Variants in UST observed in about 807,000 individuals in gnomAD.
UST encodes the protein chondroitin sulfate 2-O-sulfotransferase.
Under a neutral mutation model 45.6 loss-of-function variants are expected in UST, and 21 were observed. The observed-to-expected ratio is 0.46, with a 90% CI of 0.33 to 0.66. UST has a LOEUF of 0.66. UST is among the 30% of genes least tolerant of loss of function. UST has a pLI of 0.02. For missense variants in UST, 463 were observed against 512.4 expected (o/e 0.90, Z 0.93); for synonymous variants, 215 against 200.6 (o/e 1.07, Z -0.61).
chr6:149,049,929 TCTCACACACACA>T (rs1427835077), intron 7 of UST, among the ~76,000 whole-genome samples: 2 of 129,734 alleles, frequency 1.5e-5, no homozygotes, highest in African/African-American at 2.9e-5. Context: ...TCTCTCTCTC[TCTCACACACACA>T]CACACACACA....
chr6:149,030,109 AT>A (rs539590036), intron 7 of UST, among the ~76,000 whole-genome samples: 6 of 151,562 alleles, frequency 4.0e-5, no homozygotes, highest in Non-Finnish European at 4.4e-5. Context: ...GAGGAAGACA[AT>A]TTTTTTTTCT....
At chr6:148,976,605 A>T (rs769656053) in intron 5 of UST, among the ~76,000 whole-genome samples, 2 of 152,198 alleles carry the variant, frequency 1.3e-5, no homozygotes, top group Non-Finnish European at 2.9e-5. Context: ...ATGAGAAATT[A>T]TGTGTCAGTA....
At chr6:148,998,984 C>T (rs1781499608) in intron 5 of UST, among the ~76,000 whole-genome samples, 1 of 152,208 alleles carries the variant, frequency 6.6e-6, no homozygotes, top group South Asian at 2.1e-4. Flanking sequence ...TCACAGACAA[C>T]CAAGATGCAA....
In UST at chr6:148,950,697, C is replaced by A. The variant is rs886426043; in HGVS notation, c.448-3175C>A. On this transcript the variant is annotated intron_variant, in intron 3 of 7. Coordinates refer to ENST00000367463, the MANE Select transcript of UST (RefSeq NM_005715.3). ...TTCTTTCCTGGCTAACTCCTCTAGGCCCTTCCAGACTACTGAGGGAAACCT... is the reference window on the plus strand; with the variant it reads ...TTCTTTCCTGGCTAACTCCTCTAGGACCTTCCAGACTACTGAGGGAAACCT... Among the ~76,000 whole-genome samples, 4 of 152,324 alleles carry A rather than the reference C, an allele frequency of 2.6e-5. No individual in the cohort carries two copies. The East Asian group carries it at 7.7e-4, about 29-fold the overall frequency.
At chr6:148,769,853 T>G (rs1320122221) in intron 1 of UST, among the ~76,000 whole-genome samples, 3 of 147,640 alleles carry the variant, frequency 2.0e-5, no homozygotes, top group Non-Finnish European at 4.5e-5. Flanking sequence ...GTTGTATAGA[T>G]CCCTACTCTT....
At chr6:148,920,143 T>C (rs1035384151) in intron 2 of UST, among the ~76,000 whole-genome samples, 1 of 147,844 alleles carries the variant, frequency 6.8e-6, no homozygotes, top group Non-Finnish European at 1.5e-5. Flanking sequence ...TAGCCTGTTA[T>C]TGGCTGAAGC....
At chr6:148,963,103 G>C (rs1283997828) in intron 4 of UST, among the ~76,000 whole-genome samples, 1 of 152,220 alleles carries the variant, frequency 6.6e-6, no homozygotes, top group Non-Finnish European at 1.5e-5. Context: ...AAGAGAGAGG[G>C]CCCAGGGCAC....
At chr6:148,769,432 T>C (rs970405364) in intron 1 of UST, among the ~76,000 whole-genome samples, 3 of 152,248 alleles carry the variant, frequency 2.0e-5, no homozygotes, top group South Asian at 2.1e-4. Context: ...CAGTGTAGTG[T>C]TAACAAAACA....
chr6:148,824,770 C>G (rs1353941894), intron 1 of UST, among the ~76,000 whole-genome samples: 1 of 144,486 alleles, frequency 6.9e-6, no homozygotes, highest in African/African-American at 2.6e-5. Context: ...TGCTGGTGCG[C>G]TGCACCCACT....
At chr6:148,957,481 C>T (rs1460567307) in intron 4 of UST, among the ~76,000 whole-genome samples, 4 of 152,120 alleles carry the variant, frequency 2.6e-5, no homozygotes, top group East Asian at 1.9e-4. Context: ...CTTACTCTGT[C>T]GCCCAGGCTG....
intron 1 of UST, among the ~76,000 whole-genome samples, chr6:148,829,151 A>T (rs1023104467): frequency 2.0e-5 from 3 of 149,760 alleles, no homozygotes; most frequent in Non-Finnish European, 4.4e-5. Context: ...GGATGGATGG[A>T]TGGATGGATG....
intron 5 of UST, among the ~76,000 whole-genome samples, chr6:149,017,302 G>A (rs1051956003): frequency 2.6e-5 from 4 of 152,074 alleles, no homozygotes; most frequent in Non-Finnish European, 4.4e-5. Context: ...GCGTGAACCC[G>A]GGAGGTGGAG....
At chr6:148,951,375 T>C (rs946584507) in intron 3 of UST, among the ~76,000 whole-genome samples, 1 of 152,190 alleles carries the variant, frequency 6.6e-6, no homozygotes, top group South Asian at 2.1e-4. Context: ...TTAGGACATA[T>C]TCCACTGTCT....
chr6:148,789,291 A>G (rs928445163), intron 1 of UST, among the ~76,000 whole-genome samples: 4 of 152,148 alleles, frequency 2.6e-5, no homozygotes, highest in Non-Finnish European at 5.9e-5. Context: ...CAGCATCAGC[A>G]TCACCTGTGA....
rs1275929056 is a variant in UST, at chr6:149,076,888, T to A, written c.*2772T>A. 6.6e-6 allele frequency: 1 copy of A among 152,416 alleles called. No individual in the cohort carries two copies. Among genetic ancestry groups the A allele is most frequent in the African/African-American group, 2.4e-5 (1 of 41,420 alleles). The allele number at this position is 152,416 out of a possible 1,614,324, so 9.4% of individuals were successfully genotyped here. A position where few individuals can be genotyped will look rare whatever the true frequency, so the allele number is the denominator to read the frequency against. On this transcript the variant is annotated 3_prime_UTR_variant, in exon 8 of 8. Transcript: ENST00000367463. ...AGTGCTTGTAAATCTTTTTTTTTTT[T>A]TAAGAAGAAAGAAAAAAATGGTGTT... is the stretch of plus-strand genomic sequence containing the variant.
chr6:148,788,240 TCC>T (rs1200523513), intron 1 of UST, among the ~76,000 whole-genome samples: 1 of 152,108 alleles, frequency 6.6e-6, no homozygotes, highest in Non-Finnish European at 1.5e-5. Flanking sequence ...TTCAATTGTC[TCC>T]CTCTGGGTCC....
At chr6:148,818,475 A>G (rs1192579648) in intron 1 of UST, among the ~76,000 whole-genome samples, 1 of 152,234 alleles carries the variant, frequency 6.6e-6, no homozygotes, top group Non-Finnish European at 1.5e-5. Context: ...TTGGTGGGAA[A>G]TGGATTTCTT....
intron 2 of UST, among the ~76,000 whole-genome samples, chr6:148,925,013 A>G (rs1417989553): frequency 6.6e-6 from 1 of 152,180 alleles, no homozygotes; most frequent in Non-Finnish European, 1.5e-5. Flanking sequence ...TTCCTCATGC[A>G]GAAACTGATG....
intron 1 of UST, among the ~76,000 whole-genome samples, chr6:148,807,312 T>C (rs748960839): frequency 3.9e-5 from 6 of 152,142 alleles, no homozygotes; most frequent in Non-Finnish European, 8.8e-5. Context: ...GAGGCAACAC[T>C]GCTCTCATCA....
Sources: allele counts gnomAD v4.1 joint callset (sites outside exome capture counted in the v4.1 genomes callset), GRCh38; gene constraint gnomAD v4.1.1; transcripts MANE v1.5; gene names NCBI Gene and HGNC (gene_info 2026-07-23, HGNC 2026-07-21).